Variants in MSR1 observed in about 807,000 individuals in gnomAD.
MSR1 encodes macrophage scavenger receptor 1.
A neutral mutation model predicts 47.2 loss-of-function variants in MSR1; 53 were observed. The ratio of observed to expected loss-of-function variants is 1.12; its 90% confidence interval spans 0.90 to 1.41. MSR1 has a LOEUF of 1.41. Ranked by LOEUF, MSR1 falls within the 40% of genes most tolerant of loss-of-function variation. The pLI is 0.00. For missense variants in MSR1, 786 were observed against 546.9 expected, an observed-to-expected ratio of 1.44 and a Z score of -4.36; for synonymous variants, 239 against 185.6, an observed-to-expected ratio of 1.29 and a Z score of -2.34.
rs775208943 is a variant in MSR1, at chr8:16,177,950, GTCC to G, written c.36_38del (p.Glu12del). 3.7e-6 allele frequency: 6 copies of G among 1,613,846 alleles called. No individual in the cohort carries two copies. Among genetic ancestry groups the G allele is most frequent in the Non-Finnish European group, 5.1e-6 (6 of 1,179,902 alleles). ...TCACAGATTCGGAGCAGCTATCAGT[GTCC>G]TCCTGTTGATTGTGAAAGTGATCCC... On this transcript the variant is annotated inframe_deletion, in exon 2 of 10. Coordinates refer to ENST00000262101, the MANE Select transcript of MSR1 (RefSeq NM_138715.3).
chr8:16,137,708 T>C (rs998396931), intron 8 of MSR1, among the ~76,000 whole-genome samples: 5 of 152,110 alleles, frequency 3.3e-5, no homozygotes, highest in African/African-American at 4.8e-5. Flanking sequence ...AAAAACCCTG[T>C]TGGGTTGGGT....
intron 4 of MSR1, 109 bp downstream of exon 4, chr8:16,168,349 A>G (rs1234240218): frequency 1.9e-6 from 2 of 1,055,674 alleles, no homozygotes; most frequent in Non-Finnish European, 2.9e-6. Context: ...CAGGGTAAAC[A>G]GGATGATGAA....
At chr8:16,177,599 C>T (rs569407896) in intron 2 of MSR1, among the ~76,000 whole-genome samples, 11 of 152,114 alleles carry the variant, frequency 7.2e-5, no homozygotes, top group Admixed American at 2.0e-4. Context: ...CCATGATTTT[C>T]GAATATTAGC....
rs951277850 is a variant in MSR1, at chr8:16,122,682, A to C, written c.1034-2076T>G. Among the ~76,000 whole-genome samples the C allele has an allele frequency of 5.3e-5, 8 of 152,048 alleles. 1 individual carries two copies. Among genetic ancestry groups the C allele is most frequent in the African/African-American group, 1.9e-4 (8 of 41,400 alleles). On this transcript the variant is annotated intron_variant, in intron 8 of 9. Transcript: ENST00000262101. ...AACCACTAACCTAGATGATTGCAGT[A>C]TATATTTAGAAGAGGAGACATATTA...
chr8:16,182,284 G>C (rs1008359493), intron 1 of MSR1, among the ~76,000 whole-genome samples: 42 of 152,178 alleles, frequency 2.8e-4, no homozygotes, highest in African/African-American at 9.2e-4. Context: ...TGCAGGACTG[G>C]AAGTTGCTCT....
chr8:16,125,048 A>G (rs1220019060), intron 8 of MSR1, among the ~76,000 whole-genome samples: 1 of 152,144 alleles, frequency 6.6e-6, no homozygotes, highest in African/African-American at 2.4e-5. Flanking sequence ...AAAAAAACCC[A>G]TATGGCTGGC....
chr8:16,159,206 T>G (rs1402773515), intron 5 of MSR1, among the ~76,000 whole-genome samples: 1 of 151,118 alleles, frequency 6.6e-6, no homozygotes, highest in Non-Finnish European at 1.5e-5. Flanking sequence ...CAATATTTCT[T>G]TTTTGGTGCT....
intron 1 of MSR1, among the ~76,000 whole-genome samples, chr8:16,183,612 A>G (rs111205190): frequency 7.1e-6 from 1 of 140,844 alleles, no homozygotes; most frequent in African/African-American, 2.6e-5. Context: ...ATAATAGGCA[A>G]ATATATAATA....
chr8:16,183,791 ATATAT>A (rs575119460), intron 1 of MSR1, among the ~76,000 whole-genome samples: 38 of 143,478 alleles, frequency 2.6e-4, no homozygotes, highest in East Asian at 3.9e-4. Context: ...TTAATATATT[ATATAT>A]TATATTAGTT....
intron 8 of MSR1, among the ~76,000 whole-genome samples, chr8:16,136,503 G>C (rs553005434): frequency 6.7e-6 from 1 of 150,062 alleles, no homozygotes; most frequent in South Asian, 2.1e-4. Context: ...TGTGATAATT[G>C]CTTTTTTTTT....
intron 6 of MSR1, among the ~76,000 whole-genome samples, chr8:16,154,758 T>A (rs184417274): frequency 2.2e-4 from 33 of 152,128 alleles, no homozygotes; most frequent in South Asian, 2.1e-4. Context: ...TGCTGTCTAT[T>A]ATATACATGT....
At chr8:16,137,179 C>T (rs913899358) in intron 8 of MSR1, among the ~76,000 whole-genome samples, 7 of 152,042 alleles carry the variant, frequency 4.6e-5, no homozygotes, top group Non-Finnish European at 8.8e-5. Flanking sequence ...ATAAGTAGCT[C>T]TCATTAGTGA....
At chr8:16,149,004 T>G (rs1800773731) in intron 7 of MSR1, among the ~76,000 whole-genome samples, 1 of 152,076 alleles carries the variant, frequency 6.6e-6, no homozygotes, top group African/African-American at 2.4e-5. Context: ...AGTAAAAAGA[T>G]CAGCAGCTGC....
chr8:16,114,312 A>G (rs1008557569), intron 9 of MSR1, among the ~76,000 whole-genome samples: 7 of 152,160 alleles, frequency 4.6e-5, no homozygotes, highest in African/African-American at 1.2e-4. Flanking sequence ...AAGACAGCTA[A>G]GAATAACTTT....
intron 1 of MSR1, among the ~76,000 whole-genome samples, chr8:16,182,994 T>C (rs571502434): frequency 1.3e-5 from 2 of 152,280 alleles, no homozygotes; most frequent in African/African-American, 4.8e-5. Context: ...ATGTGAGTAA[T>C]GCAATTTCCT....
At position 16,120,525 on chromosome 8, in the gene MSR1, C is replaced by T. The variant is rs1167986834; in HGVS notation, c.1115G>A (p.Gly372Asp). The T allele has an allele frequency of 6.2e-7, 1 of 1,612,974 alleles. No individual in the cohort carries two copies. The highest frequency in any genetic ancestry group is 1.1e-5 in the South Asian group (1 of 91,034). The change falls in exon 9 of 10, where the codon GGT becomes GAT. Residue 372 changes from glycine to aspartate, a missense_variant. By Grantham distance (94) the Gly-to-Asp change is moderately conservative. Transcript: ENST00000262101. ...RVEILHSGQW[G>D]TICDDRWEVR... The stretch of plus-strand genomic sequence containing the variant: ...TTCCCAGCGATCGTCACAAATTGTA[C>T]CCCACTGGCCGCTGTGGAGTATCTC...
intron 6 of MSR1, 48 bp from the exon 7 acceptor site, chr8:16,150,359 C>T: frequency 5.3e-6 from 6 of 1,131,928 alleles, no homozygotes; most frequent in Non-Finnish European, 6.3e-6. Context: ...CATTTTCATA[C>T]AGACTTGAGA....
At chr8:16,173,874 C>T (rs1801562428) in intron 3 of MSR1, among the ~76,000 whole-genome samples, 1 of 152,174 alleles carries the variant, frequency 6.6e-6, no homozygotes, top group African/African-American at 2.4e-5. Flanking sequence ...TGGTCTCGAT[C>T]TCCTGACCTC....
chr8:16,173,978 T>G (rs1435095352), intron 3 of MSR1, among the ~76,000 whole-genome samples: 3 of 152,056 alleles, frequency 2.0e-5, no homozygotes, highest in African/African-American at 7.2e-5. Flanking sequence ...TGGCCAACCA[T>G]GTTGTTTTAT....
Sources: gnomAD v4.1 joint callset for allele counts (sites outside exome capture counted in the v4.1 genomes callset) on GRCh38, gnomAD v4.1.1 for gene constraint, MANE v1.5 for transcripts, NCBI Gene and HGNC (gene_info 2026-07-23, HGNC 2026-07-21) for gene names.